Variants in TYW1B observed in about 807,000 individuals in gnomAD.
TYW1B encodes the protein tRNA-yW synthesizing protein 1 homolog B.
Under a neutral mutation model 86.9 loss-of-function variants are expected in TYW1B, and 73 were observed. That is an observed-to-expected ratio of 0.84 (90% CI 0.70 to 1.02). The LOEUF (loss-of-function observed/expected upper bound fraction) is 1.02. TYW1B is among the 50% of genes least tolerant of loss of function. TYW1B has a pLI of 0.00. For synonymous variants in TYW1B, 248 were observed against 292.8 expected, an observed-to-expected ratio of 0.85 and a Z score of 1.56; for missense variants, 637 against 827.4, an observed-to-expected ratio of 0.77 and a Z score of 2.82.
At chr7:72,638,654 A>C (rs1228059540) in intron 11 of TYW1B, among the ~76,000 whole-genome samples, 2 of 152,260 alleles carry the variant, frequency 1.3e-5, no homozygotes, top group Non-Finnish European at 2.9e-5. Flanking sequence ...TGGAAGTCCT[A>C]ATCAATGCAG....
intron 11 of TYW1B, among the ~76,000 whole-genome samples, chr7:72,658,792 C>T (rs1299445002): frequency 1.3e-5 from 2 of 152,168 alleles, no homozygotes; most frequent in Admixed American, 1.3e-4. Context: ...ACAATCTCGG[C>T]TCACTGCAAC....
In TYW1B at chr7:72,723,202, C is replaced by T. The variant is rs1554457960; in HGVS notation, c.1192+5620G>A. 8 of 368,288 alleles carry T rather than the reference C, an allele frequency of 2.2e-5. No homozygotes were observed. In the South Asian group the frequency reaches 5.9e-4, roughly 27 times the overall value. 22.8% of individuals were successfully genotyped at this position (368,288 alleles called of 1,614,324 possible). ...GGTTGTGGGGCTGGGGCCTCACTTC[C>T]CCTCCTTCCCTTTCCCCTGGTCCCC... On this transcript the variant is annotated intron_variant, in intron 9 of 13. Coordinates refer to ENST00000620995, the MANE Select transcript of TYW1B (RefSeq NM_001145440.3).
intron 11 of TYW1B, among the ~76,000 whole-genome samples, chr7:72,662,593 A>G: frequency 6.6e-6 from 1 of 152,222 alleles, no homozygotes. Context: ...TTTTATTTAC[A>G]TGATTTTTAA....
chr7:72,604,375 T>C (rs1169374246), intron 13 of TYW1B, among the ~76,000 whole-genome samples: 1 of 152,008 alleles, frequency 6.6e-6, no homozygotes, highest in African/African-American at 2.4e-5. Context: ...GGCAGGAGAA[T>C]TGCTTGAACC....
At chr7:72,827,616 C>G (rs1788959678) in intron 1 of TYW1B, among the ~76,000 whole-genome samples, 1 of 152,042 alleles carries the variant, frequency 6.6e-6, no homozygotes, top group Non-Finnish European at 1.5e-5. Context: ...TGTGCTTGCT[C>G]CATAAAAAAA....
At chr7:72,684,364 G>A (rs1380066193) in intron 11 of TYW1B, among the ~76,000 whole-genome samples, 1 of 152,034 alleles carries the variant, frequency 6.6e-6, no homozygotes, top group Admixed American at 6.6e-5. Flanking sequence ...TATAGAAAAG[G>A]AAAGAATGAT....
At chr7:72,583,864 T>C (rs1811213621) in intron 13 of TYW1B, among the ~76,000 whole-genome samples, 1 of 152,162 alleles carries the variant, frequency 6.6e-6, no homozygotes, top group Non-Finnish European at 1.5e-5. Flanking sequence ...AAAAGCTAAG[T>C]GATAGATGTG....
chr7:72,787,132 G>A (rs1788142660), intron 6 of TYW1B, among the ~76,000 whole-genome samples: 2 of 151,998 alleles, frequency 1.3e-5, no homozygotes, highest in Admixed American at 6.6e-5. Context: ...AAACTTGAAA[G>A]CACATCAAAT....
intron 8 of TYW1B, among the ~76,000 whole-genome samples, chr7:72,736,718 T>A (rs1787202745): frequency 1.3e-5 from 2 of 152,236 alleles, no homozygotes; most frequent in African/African-American, 2.4e-5. Context: ...AAATGCAATC[T>A]TACTATAGAT....
intron 10 of TYW1B, 93 bp downstream of exon 10, chr7:72,713,528 T>C: frequency 7.9e-7 from 1 of 1,269,378 alleles, no homozygotes; most frequent in East Asian, 2.5e-5. Flanking sequence ...AAGTAATCAA[T>C]AAATCCTATT....
At chr7:72,814,063 A>T (rs1196469776) in intron 3 of TYW1B, among the ~76,000 whole-genome samples, 24 of 151,940 alleles carry the variant, frequency 1.6e-4, no homozygotes, top group Admixed American at 7.9e-4. Flanking sequence ...CACACAGCTA[A>T]TAAGAGATTT....
chr7:72,597,659 A>C (rs1434442919), intron 13 of TYW1B, among the ~76,000 whole-genome samples: 1 of 152,186 alleles, frequency 6.6e-6, no homozygotes. Flanking sequence ...CAATAGTGAC[A>C]ATGATAGGAT....
At chr7:72,636,839 A>T (rs1315484196) in intron 11 of TYW1B, among the ~76,000 whole-genome samples, 2 of 152,156 alleles carry the variant, frequency 1.3e-5, no homozygotes, top group Non-Finnish European at 2.9e-5. Flanking sequence ...TATGCTTATG[A>T]GTAAAAATCG....
At chr7:72,670,036 T>C (rs1215922343) in intron 11 of TYW1B, among the ~76,000 whole-genome samples, 1 of 151,834 alleles carries the variant, frequency 6.6e-6, no homozygotes, top group Non-Finnish European at 1.5e-5. Flanking sequence ...GCAGCTGAGG[T>C]GGGAGGATTG....
intron 9 of TYW1B, 103 bp downstream of exon 9, chr7:72,728,719 T>C (rs1354644675): frequency 8.7e-7 from 1 of 1,148,294 alleles, no homozygotes; most frequent in African/African-American, 1.6e-5. Flanking sequence ...AGAGGAAAAT[T>C]TGCCAGTGGG....
intron 12 of TYW1B, among the ~76,000 whole-genome samples, chr7:72,625,158 G>A (rs1812314006): frequency 1.3e-5 from 2 of 151,440 alleles, no homozygotes; most frequent in African/African-American, 4.9e-5. Flanking sequence ...ATAGATTTTT[G>A]CCTATTTTCA....
intron 10 of TYW1B, among the ~76,000 whole-genome samples, chr7:72,697,288 C>T (rs1178947281): frequency 6.6e-6 from 1 of 151,886 alleles, no homozygotes; most frequent in Non-Finnish European, 1.5e-5. Context: ...GGAATTCTAG[C>T]CTATACTAGA....
intron 9 of TYW1B, among the ~76,000 whole-genome samples, chr7:72,726,466 G>A (rs1437785150): frequency 4.6e-5 from 7 of 151,524 alleles, no homozygotes; most frequent in Non-Finnish European, 1.0e-4. Flanking sequence ...GGGTTCAAGC[G>A]ATTCTCCTGC....
chr7:72,696,790 AAT>A (rs1554451585), intron 10 of TYW1B, among the ~76,000 whole-genome samples: 1 of 152,186 alleles, frequency 6.6e-6, no homozygotes, highest in South Asian at 2.1e-4. Flanking sequence ...GCTCTGACCA[AAT>A]GTAGGACAGA....
Sources: gnomAD v4.1 joint callset for allele counts (sites outside exome capture counted in the v4.1 genomes callset) on GRCh38, gnomAD v4.1.1 for gene constraint, MANE v1.5 for transcripts, NCBI Gene and HGNC (gene_info 2026-07-23, HGNC 2026-07-21) for gene names.